The following SH3PXD2B variants were observed in gnomAD, a reference collection of about 807,000 sequenced individuals.
SH3PXD2B encodes the protein SH3 and PX domains 2B.
SH3PXD2B carries 37 observed loss-of-function variants against 73.1 expected under a neutral mutation model. The observed-to-expected ratio is 0.51, with a 90% CI of 0.39 to 0.67. The LOEUF is 0.67. Among genes scored for constraint, SH3PXD2B ranks in the 30% least tolerant of loss-of-function variants. The pLI, the probability that SH3PXD2B is intolerant of heterozygous loss-of-function variation, is 0.00. For synonymous variants in SH3PXD2B, 457 were observed against 480.5 expected, an observed-to-expected ratio of 0.95 and a Z score of 0.64; for missense variants, 1,053 against 1,197.8, an observed-to-expected ratio of 0.88 and a Z score of 1.78.
At chr5:172,453,163 A>G (rs909722583) in intron 1 of SH3PXD2B, among the ~76,000 whole-genome samples, 1 of 151,856 alleles carries the variant, frequency 6.6e-6, no homozygotes, top group Non-Finnish European at 1.5e-5. Context: ...GAGGCCAAGG[A>G]GCTTAATTTA....
At chr5:172,351,992 T>C (rs1581268242) in intron 9 of SH3PXD2B, among the ~76,000 whole-genome samples, 1 of 152,090 alleles carries the variant, frequency 6.6e-6, no homozygotes, top group Non-Finnish European at 1.5e-5. Flanking sequence ...CTGACTGGGC[T>C]CTGGGGTGAG....
At chr5:172,433,523 T>C (rs530083987) in intron 1 of SH3PXD2B, among the ~76,000 whole-genome samples, 10 of 152,304 alleles carry the variant, frequency 6.6e-5, no homozygotes, top group African/African-American at 2.2e-4. Flanking sequence ...TGTGGGGCAC[T>C]TTCTTGTCTT....
rs775350181 is a variant in SH3PXD2B at position 172,413,354 on chromosome 5, C to T, written c.157-7002G>A. ...CTGGTGTCCTGATGGACGTGCTGCA[C>T]GGAGGCTGCCACCACCTCCGGTCTG... is the stretch of plus-strand genomic sequence containing the variant. On this transcript the variant is annotated intron_variant, in intron 2 of 12. Transcript: ENST00000311601. Among the ~76,000 whole-genome samples, 8 of 152,312 alleles carry T rather than the reference C, an allele frequency of 5.3e-5. No individual in the cohort carries two copies. The South Asian group carries it at 6.2e-4, about 12-fold the overall frequency.
chr5:172,394,675 G>A, intron 3 of SH3PXD2B, 36 bp from the exon 4 acceptor site: 10 of 1,609,262 alleles, frequency 6.2e-6, no homozygotes, highest in East Asian at 2.2e-5. Flanking sequence ...TGTTGTCAGG[G>A]AACAGGGACA....
intron 1 of SH3PXD2B, among the ~76,000 whole-genome samples, chr5:172,430,259 A>G (rs567065188): frequency 2.0e-5 from 3 of 152,332 alleles, no homozygotes; most frequent in African/African-American, 7.2e-5. Context: ...CCTACAAATG[A>G]ACTTCCCACA....
chr5:172,401,733 G>A (rs1387982105), intron 3 of SH3PXD2B, among the ~76,000 whole-genome samples: 1 of 152,206 alleles, frequency 6.6e-6, no homozygotes, highest in Non-Finnish European at 1.5e-5. Context: ...TCTTACGCCT[G>A]TCTTTACTGC....
At chr5:172,395,388 G>C (rs1758271466) in intron 3 of SH3PXD2B, among the ~76,000 whole-genome samples, 1 of 152,212 alleles carries the variant, frequency 6.6e-6, no homozygotes, top group Non-Finnish European at 1.5e-5. Context: ...CGTAAGAGAA[G>C]GGTTTTGAGT....
At chr5:172,398,739 T>C (rs1758362576) in intron 3 of SH3PXD2B, among the ~76,000 whole-genome samples, 1 of 152,226 alleles carries the variant, frequency 6.6e-6, no homozygotes, top group Admixed American at 6.5e-5. Context: ...TAAGACCTAC[T>C]TTAGGTATTC....
At chr5:172,439,690 G>GCACACACACACACACA (rs1488784600) in intron 1 of SH3PXD2B, among the ~76,000 whole-genome samples, 69 of 113,210 alleles carry the variant, frequency 6.1e-4, no homozygotes, top group Admixed American at 1.0e-3. Flanking sequence ...GCGCACGCGC[G>GCACACACACACACACA]CGCACACACA....
intron 1 of SH3PXD2B, among the ~76,000 whole-genome samples, chr5:172,453,122 A>T (rs970247539): frequency 9.6e-5 from 14 of 146,586 alleles, no homozygotes; most frequent in African/African-American, 2.6e-5. Context: ...ATTAGTTCTT[A>T]AAAAAAAAAG....
At chr5:172,358,898 A>G in intron 7 of SH3PXD2B, 21 bp from the exon 8 acceptor site, 1 of 1,609,830 alleles carries the variant, frequency 6.2e-7, no homozygotes, top group Non-Finnish European at 8.5e-7. Context: ...AAGAGTGCAG[A>G]ATGATGTTAG....
At chr5:172,329,784 G>A (rs901456156), downstream of SH3PXD2B, among the ~76,000 whole-genome samples, 3 of 151,712 alleles carry the variant, frequency 2.0e-5, no homozygotes, top group Admixed American at 1.3e-4. Flanking sequence ...TGATCCGCCC[G>A]CCTCGGCCTC....
intron 4 of SH3PXD2B, among the ~76,000 whole-genome samples, chr5:172,388,639 A>G (rs1758106295): frequency 6.6e-6 from 1 of 152,254 alleles, no homozygotes; most frequent in African/African-American, 2.4e-5. Context: ...TTCAAAACCA[A>G]AAGTCCAGGA....
Position 172,404,863 on chromosome 5 carries a change from C to T in SH3PXD2B, c.232+1414G>A, listed in dbSNP as rs567864993. 2.6e-5 allele frequency among the ~76,000 whole-genome samples: 4 copies of T among 152,276 alleles called. No individual in the cohort carries two copies. In the South Asian group the frequency reaches 8.3e-4, roughly 32 times the overall value. On this transcript the variant is annotated intron_variant, in intron 3 of 12. Transcript: ENST00000311601. ...AACCCAGGTTGTCTGACTCCAGGCACAAATTTTGGAGCCAGCCATACCTGT... is the reference window on the plus strand; with the variant it reads ...AACCCAGGTTGTCTGACTCCAGGCATAAATTTTGGAGCCAGCCATACCTGT...
chr5:172,356,664 C>T (rs1336203694), intron 8 of SH3PXD2B: 1 of 152,284 alleles, frequency 6.6e-6, no homozygotes, highest in Non-Finnish European at 1.5e-5. Flanking sequence ...AAACACCAAA[C>T]GGGGAAGAAA....
At chr5:172,391,921 T>C (rs1344393507) in intron 4 of SH3PXD2B, among the ~76,000 whole-genome samples, 1 of 152,236 alleles carries the variant, frequency 6.6e-6, no homozygotes. Context: ...TCTCCTATGT[T>C]TTCTTCTAGA....
intron 3 of SH3PXD2B, among the ~76,000 whole-genome samples, chr5:172,397,531 C>T (rs565990737): frequency 5.3e-5 from 8 of 152,242 alleles, no homozygotes; most frequent in African/African-American, 9.6e-5. Flanking sequence ...CAGAACCTGC[C>T]GACATGTGAT....
intron 2 of SH3PXD2B, among the ~76,000 whole-genome samples, chr5:172,408,942 G>A (rs923965304): frequency 2.0e-5 from 3 of 152,102 alleles, no homozygotes; most frequent in African/African-American, 7.2e-5. Context: ...CACATAATAT[G>A]TAGTGATCAG....
In SH3PXD2B at chr5:172,353,772, CTT is replaced by C. The variant is rs1757210060; in HGVS notation, c.785+114_785+115del. 1 of 832,820 alleles carries C rather than the reference CTT, an allele frequency of 1.2e-6. No individual in the cohort carries two copies. Among genetic ancestry groups the C allele is most frequent in the Non-Finnish European group, 2.1e-6 (1 of 474,238 alleles). The allele number at this position is 832,820 out of a possible 1,614,324, so 51.6% of individuals were successfully genotyped here. ...TATCCTTTTATGGTTCAGGCGGAAA[CTT>C]CGCCCAGATGCAATCACTTACCGAC... On this transcript the variant is annotated intron_variant, in intron 9 of 12. Transcript: ENST00000311601. The surrounding 1 kb of genome is among the most constrained non-coding windows in gnomAD (Gnocchi z 4.3).
Sources: gnomAD v4.1 joint callset for allele counts (sites outside exome capture counted in the v4.1 genomes callset) on GRCh38, gnomAD v4.1.1 for gene constraint, Gnocchi (gnomAD v3.1) non-coding constraint, MANE v1.5 for transcripts, NCBI Gene and HGNC (gene_info 2026-07-23, HGNC 2026-07-21) for gene names.